Variants in FAT3 observed in about 807,000 individuals in gnomAD.
The protein encoded by FAT3 is protocadherin Fat 3.
In FAT3, 95 loss-of-function variants were observed where a neutral mutation model predicts 310.2. The ratio of observed to expected loss-of-function variants is 0.31; its 90% CI spans 0.26 to 0.36. The LOEUF (loss-of-function observed/expected upper bound fraction) is 0.36. FAT3 is among the 10% of genes least tolerant of loss of function. The probability of loss-of-function intolerance (pLI) is 1.00; values close to 1 mark genes in which losing one functional copy is unlikely to be tolerated. For synonymous variants in FAT3, 2,314 were observed against 2,192.9 expected, an observed-to-expected ratio of 1.06 and a Z score of -1.54; for missense variants, 5,408 against 5,715.6, an observed-to-expected ratio of 0.95 and a Z score of 1.74.
chr11:92,340,442 C>CACA (rs1948219149), intron 1 of FAT3, among the ~76,000 whole-genome samples: 1 of 152,170 alleles, frequency 6.6e-6, no homozygotes, highest in East Asian at 1.9e-4. Flanking sequence ...TGTGTCTCCA[C>CACA]GGCCTTAACT....
At chr11:92,330,999 TGTGTGAGAGAGAGAGAGAGA>T (rs1056239081) in intron 1 of FAT3, among the ~76,000 whole-genome samples, 5 of 117,894 alleles carry the variant, frequency 4.2e-5, no homozygotes, top group African/African-American at 1.2e-4. Flanking sequence ...TGTGTGTGTG[TGTGTGAGAGAGAGAGAGAGA>T]GAAACATTTA....
At chr11:92,233,907 G>A (rs1334370088) in intron 1 of FAT3, among the ~76,000 whole-genome samples, 1 of 152,124 alleles carries the variant, frequency 6.6e-6, no homozygotes, top group Non-Finnish European at 1.5e-5. Flanking sequence ...GTTGTGTTCA[G>A]TTTACATTCT....
chr11:92,541,426 C>T (rs550928526), intron 3 of FAT3, among the ~76,000 whole-genome samples: 1 of 152,208 alleles, frequency 6.6e-6, no homozygotes, highest in East Asian at 1.9e-4. Context: ...GTTTAAACTC[C>T]TGTTTGACAT....
At chr11:92,356,939 G>A (rs528935253) in intron 2 of FAT3, among the ~76,000 whole-genome samples, 3 of 152,186 alleles carry the variant, frequency 2.0e-5, no homozygotes, top group African/African-American at 7.2e-5. Context: ...GTATACATAG[G>A]CTCTAATTAT....
intron 1 of FAT3, among the ~76,000 whole-genome samples, chr11:92,265,513 G>T (rs187146501): frequency 2.0e-5 from 3 of 152,086 alleles, no homozygotes; most frequent in African/African-American, 7.2e-5. Flanking sequence ...AGGGCAAGGG[G>T]AACACTTCTG....
intron 4 of FAT3, among the ~76,000 whole-genome samples, chr11:92,749,821 A>G (rs773527254): frequency 2.0e-5 from 3 of 152,208 alleles, no homozygotes; most frequent in Non-Finnish European, 4.4e-5. Context: ...ATTCCTACCC[A>G]TAGAGACTGT....
At chr11:92,300,710 C>G (rs186998379) in intron 1 of FAT3, among the ~76,000 whole-genome samples, 1 of 152,142 alleles carries the variant, frequency 6.6e-6, no homozygotes, top group East Asian at 1.9e-4. Context: ...ATGCAAGCCC[C>G]CTGAGTAGAG....
intron 1 of FAT3, among the ~76,000 whole-genome samples, chr11:92,340,839 C>T (rs1350165623): frequency 6.6e-6 from 1 of 151,982 alleles, no homozygotes; most frequent in Admixed American, 6.6e-5. Flanking sequence ...TTAATGGGGA[C>T]TATGGGAGAG....
At chr11:92,359,212 TTA>T (rs1313461032) in intron 2 of FAT3, among the ~76,000 whole-genome samples, 2 of 152,146 alleles carry the variant, frequency 1.3e-5, no homozygotes, top group Non-Finnish European at 2.9e-5. Flanking sequence ...GGCTACCAGA[TTA>T]TATATATCTT....
intron 3 of FAT3, among the ~76,000 whole-genome samples, chr11:92,605,392 C>G (rs759686580): frequency 1.3e-5 from 2 of 152,120 alleles, no homozygotes; most frequent in Non-Finnish European, 2.9e-5. Context: ...GGCATTTATC[C>G]CACAGGCACC....
chr11:92,751,720 A>G (rs943652418), intron 4 of FAT3, among the ~76,000 whole-genome samples: 8 of 152,152 alleles, frequency 5.3e-5, no homozygotes, highest in Non-Finnish European at 8.8e-5. Flanking sequence ...GAAGTGCTCA[A>G]TGTTGATCCA....
intron 2 of FAT3, among the ~76,000 whole-genome samples, chr11:92,492,066 G>T (rs1952616373): frequency 6.6e-6 from 1 of 152,060 alleles, no homozygotes; most frequent in Non-Finnish European, 1.5e-5. Flanking sequence ...GTGTTCTTAT[G>T]CAGTAATTGC....
At position 92,619,470 on chromosome 11, in the gene FAT3, G is replaced by A. The variant is rs148034193; in HGVS notation, c.3608-77914G>A. Among the ~76,000 whole-genome samples, 41 of 152,206 alleles carry A rather than the reference G, an allele frequency of 2.7e-4. No homozygotes were observed. The East Asian group carries it at 4.6e-3, about 17-fold the overall frequency. On this transcript the variant is annotated intron_variant, in intron 3 of 27. Coordinates refer to ENST00000525166, the MANE Select transcript of FAT3 (RefSeq NM_001367949.2). ...TGTAAATTTGTTCCAATTCACCAGC[G>A]AAGCCACCTGGAATTGGTCTTTTAT... is the stretch of plus-strand genomic sequence containing the variant.
rs139479756 is a variant in FAT3 at position 92,685,511 on chromosome 11, G to A, written c.3608-11873G>A. On this transcript the variant is annotated intron_variant, in intron 3 of 27. Coordinates refer to ENST00000525166, the MANE Select transcript of FAT3 (RefSeq NM_001367949.2). ...TATGTATAGACCATTACCTGCTTTGGATGGAAGCATGTGTGTGTGTGCACA... is the reference window on the plus strand; with the variant it reads ...TATGTATAGACCATTACCTGCTTTGAATGGAAGCATGTGTGTGTGTGCACA... Among the ~76,000 whole-genome samples, 658 of 151,822 alleles carry A rather than the reference G, an allele frequency of 4.3e-3. 4 individuals carry two copies. Among genetic ancestry groups the A allele is most frequent in the African/African-American group, 0.015 (619 of 41,466 alleles).
At chr11:92,648,555 A>G (rs1942248868) in intron 3 of FAT3, among the ~76,000 whole-genome samples, 1 of 152,190 alleles carries the variant, frequency 6.6e-6, no homozygotes, top group African/African-American at 2.4e-5. Context: ...ACAACACTGC[A>G]GTACCTTCCC....
intron 7 of FAT3, among the ~76,000 whole-genome samples, chr11:92,783,381 G>T (rs1372153818): frequency 9.6e-6 from 1 of 103,936 alleles, no homozygotes; most frequent in Non-Finnish European, 2.1e-5. Context: ...AAAAAAAAAA[G>T]GCAGTGGCCT....
chr11:92,424,127 G>C (rs1950583742), intron 2 of FAT3, among the ~76,000 whole-genome samples: 1 of 152,036 alleles, frequency 6.6e-6, no homozygotes, highest in Non-Finnish European at 1.5e-5. Context: ...CTTTGCTGAA[G>C]CTGACCCATT....
chr11:92,405,619 C>T (rs1168157796), intron 2 of FAT3, among the ~76,000 whole-genome samples: 1 of 152,120 alleles, frequency 6.6e-6, no homozygotes, highest in East Asian at 1.9e-4. Flanking sequence ...GACATGATGG[C>T]ATGTGCTTGT....
chr11:92,471,038 A>T (rs1306660681), intron 2 of FAT3, among the ~76,000 whole-genome samples: 1 of 152,176 alleles, frequency 6.6e-6, no homozygotes. Context: ...CTGTAACATT[A>T]GTTTTAATGT....
Sources: gnomAD v4.1 joint callset for allele counts (sites outside exome capture counted in the v4.1 genomes callset) on GRCh38, gnomAD v4.1.1 for gene constraint, MANE v1.5 for transcripts, NCBI Gene and HGNC (gene_info 2026-07-23, HGNC 2026-07-21) for gene names.